The following WWOX variants were observed in gnomAD, a reference collection of about 807,000 sequenced individuals.
WWOX encodes the protein WW domain containing oxidoreductase.
Under a neutral mutation model 46.2 loss-of-function variants are expected in WWOX, and 69 were observed. The observed-to-expected ratio is 1.49, with a 90% CI of 1.23 to 1.82. WWOX has a LOEUF of 1.82. Ranked by LOEUF, WWOX falls within the 40% of genes most tolerant of loss-of-function variation. WWOX has a pLI of 0.00. For synonymous variants in WWOX, 359 were observed against 202.6 expected (o/e 1.77, Z -6.56); for missense variants, 919 against 542.6 (o/e 1.69, Z -6.89).
intron 8 of WWOX, among the ~76,000 whole-genome samples, chr16:78,481,978 G>C (rs548855470): frequency 6.6e-6 from 1 of 152,240 alleles, no homozygotes; most frequent in South Asian, 2.1e-4. Flanking sequence ...CTGCCTAGCT[G>C]TCTGCATTTC....
intron 8 of WWOX, among the ~76,000 whole-genome samples, chr16:78,709,791 T>G (rs551726923): frequency 3.6e-4 from 55 of 151,636 alleles, no homozygotes; most frequent in African/African-American, 1.3e-3. Flanking sequence ...TGCAGTGGTG[T>G]GATCTCAGCT....
chr16:78,575,018 TATAA>T (rs2044822101), intron 8 of WWOX, among the ~76,000 whole-genome samples: 1 of 13,120 alleles, frequency 7.6e-5, no homozygotes, highest in Non-Finnish European at 1.2e-4. Flanking sequence ...TATATATATA[TATAA>T]ATATATATAT....
intron 8 of WWOX, among the ~76,000 whole-genome samples, chr16:78,619,533 G>A (rs113384313): frequency 1.9e-4 from 29 of 151,768 alleles, no homozygotes; most frequent in African/African-American, 7.0e-4. Flanking sequence ...AGCTCCTGCT[G>A]TGATGCCACT....
At chr16:78,290,070 G>T (rs935119995) in intron 5 of WWOX, among the ~76,000 whole-genome samples, 5 of 152,048 alleles carry the variant, frequency 3.3e-5, no homozygotes, top group Non-Finnish European at 4.4e-5. Context: ...AAGCATTTTT[G>T]ATTTATATAT....
At chr16:78,795,254 G>GA (rs2050706864) in intron 8 of WWOX, among the ~76,000 whole-genome samples, 1 of 151,892 alleles carries the variant, frequency 6.6e-6, no homozygotes, top group African/African-American at 2.4e-5. Flanking sequence ...TACATGTAAG[G>GA]AAAAAAAGGC....
At chr16:79,017,791 A>G (rs1351505546) in intron 8 of WWOX, among the ~76,000 whole-genome samples, 1 of 151,940 alleles carries the variant, frequency 6.6e-6, no homozygotes, top group East Asian at 1.9e-4. Context: ...CACCCCCATT[A>G]TTTGCATAAC....
At chr16:78,474,969 A>G (rs1463061487) in intron 8 of WWOX, among the ~76,000 whole-genome samples, 1 of 152,134 alleles carries the variant, frequency 6.6e-6, no homozygotes, top group Non-Finnish European at 1.5e-5. Context: ...AAAATATTTA[A>G]TTTATTTAGG....
intron 5 of WWOX, among the ~76,000 whole-genome samples, chr16:78,187,485 C>G (rs117115746): frequency 0.018 from 2,772 of 152,252 alleles, 39 homozygotes; most frequent in Non-Finnish European, 0.029. Flanking sequence ...CACCCGTAGT[C>G]CCACCTACTT....
intron 5 of WWOX, among the ~76,000 whole-genome samples, chr16:78,202,864 A>G (rs2036277288): frequency 6.6e-6 from 1 of 151,388 alleles, no homozygotes; most frequent in South Asian, 2.1e-4. Context: ...AATTCCTGGA[A>G]TAGTTCTTGG....
chr16:78,208,847 A>C (rs2036473381), intron 5 of WWOX, among the ~76,000 whole-genome samples: 1 of 152,252 alleles, frequency 6.6e-6, no homozygotes, highest in Non-Finnish European at 1.5e-5. Flanking sequence ...CTAGTTAATT[A>C]CTATAAATTC....
intron 8 of WWOX, among the ~76,000 whole-genome samples, chr16:78,815,794 T>G (rs934750856): frequency 2.0e-5 from 3 of 152,222 alleles, no homozygotes; most frequent in Non-Finnish European, 4.4e-5. Context: ...TGCCAGTGTT[T>G]CAGTGACCCT....
intron 8 of WWOX, among the ~76,000 whole-genome samples, chr16:78,957,754 A>G (rs774521357): frequency 3.9e-5 from 6 of 152,212 alleles, no homozygotes; most frequent in Non-Finnish European, 8.8e-5. Context: ...ACACCATAGG[A>G]ACGGAGACCT....
chr16:78,345,167 A>G (rs74880189), intron 5 of WWOX, among the ~76,000 whole-genome samples: 7,318 of 117,850 alleles, frequency 0.062, 1,975 homozygotes, highest in African/African-American at 0.2. Flanking sequence ...GGAGCAGTAC[A>G]TGGGGGTATA....
chr16:78,226,160 C>G (rs928889498), intron 5 of WWOX, among the ~76,000 whole-genome samples: 1 of 152,148 alleles, frequency 6.6e-6, no homozygotes, highest in Non-Finnish European at 1.5e-5. Context: ...GATGAATAGC[C>G]TTAAGCCCTC....
intron 8 of WWOX, among the ~76,000 whole-genome samples, chr16:78,445,324 T>A (rs544781531): frequency 6.6e-6 from 1 of 152,276 alleles, no homozygotes; most frequent in Non-Finnish European, 1.5e-5. Flanking sequence ...AATTGATGGG[T>A]GGGCCACAAA....
chr16:78,830,646 C>G (rs1194161423), intron 8 of WWOX, among the ~76,000 whole-genome samples: 3 of 151,792 alleles, frequency 2.0e-5, no homozygotes, highest in South Asian at 2.1e-4. Flanking sequence ...CTCTATTTTC[C>G]TAACAAAATT....
At chr16:79,092,652 GA>G (rs1270425964) in intron 8 of WWOX, among the ~76,000 whole-genome samples, 1 of 152,194 alleles carries the variant, frequency 6.6e-6, no homozygotes, top group Non-Finnish European at 1.5e-5. Context: ...AGTCGTTGGC[GA>G]GGAGTGAATT....
intron 8 of WWOX, among the ~76,000 whole-genome samples, chr16:78,973,004 A>G (rs1446036260): frequency 6.6e-6 from 1 of 152,170 alleles, no homozygotes; most frequent in African/African-American, 2.4e-5. Context: ...CTCCGATCGC[A>G]TTGAAGAGTT....
chr16:78,761,515 T>C (rs113257927), intron 8 of WWOX, among the ~76,000 whole-genome samples: 1 of 152,164 alleles, frequency 6.6e-6, no homozygotes. Flanking sequence ...TGCTTTTCTT[T>C]CTCTGCTCAT....
Sources: allele counts gnomAD v4.1 joint callset (sites outside exome capture counted in the v4.1 genomes callset), GRCh38; gene constraint gnomAD v4.1.1; transcripts MANE v1.5; gene names NCBI Gene and HGNC (gene_info 2026-07-23, HGNC 2026-07-21).